The following EMC2 variants were observed in gnomAD, a reference collection of about 807,000 sequenced individuals.
The protein encoded by EMC2 is TPR repeat protein 35.
EMC2 carries 37 observed loss-of-function variants against 51.6 expected under a neutral mutation model. The ratio of observed to expected loss-of-function variants is 0.72; its 90% CI spans 0.55 to 0.94. The LOEUF (loss-of-function observed/expected upper bound fraction) is 0.94. Among genes scored for constraint, EMC2 ranks in the 40% least tolerant of loss-of-function variants. The probability of loss-of-function intolerance (pLI) is 0.00; values close to 1 mark genes in which losing one functional copy is unlikely to be tolerated. For missense variants in EMC2, 359 were observed against 350.9 expected (o/e 1.02, Z -0.18); for synonymous variants, 131 against 112.4 (o/e 1.17, Z -1.04).
At chr8:108,466,476 A>G (rs576862620) in intron 5 of EMC2, among the ~76,000 whole-genome samples, 65 of 114,428 alleles carry the variant, frequency 5.7e-4, no homozygotes, top group African/African-American at 2.3e-3. Flanking sequence ...TTTTTGAGAC[A>G]GGATCTCGCT....
chr8:108,445,235 C>A (rs948571825), intron 1 of EMC2, among the ~76,000 whole-genome samples: 1 of 152,144 alleles, frequency 6.6e-6, no homozygotes, highest in Non-Finnish European at 1.5e-5. Flanking sequence ...TTTTAAAGTG[C>A]TTTGTAAACT....
Position 108,453,123 on chromosome 8 carries a change from G to T in EMC2, c.281G>T (p.Gly94Val). ...AGTCACAGAGTCAAGCGATTAACAG[G>T]CATGAGATTTGAAGCCATGGAAAGG... ...PGSHRVKRLT[G>V]MRFEAMERYD... Residue 94 changes from glycine to valine, a missense_variant, in exon 4 of 11, where the codon GGC (glycine) becomes GTC (valine). Gly to Val is a moderately radical substitution (Grantham distance 109, BLOSUM62 -3). Transcript: ENST00000220853. The T allele has an allele frequency of 1.2e-6, 2 of 1,607,430 alleles. No homozygotes were observed. The highest frequency in any genetic ancestry group is 1.1e-5 in the South Asian group (1 of 90,200).
At position 108,470,254 on chromosome 8, in the gene EMC2, A is replaced by C. The variant is rs573230545; in HGVS notation, c.509+133A>C. On this transcript the variant is annotated intron_variant, in intron 7 of 10. Coordinates refer to ENST00000220853, the MANE Select transcript of EMC2 (RefSeq NM_014673.5). ...TTTGAAATGAGAAACAGAACAAATC[A>C]ACAATTAAATGAAAAAGAACAAATC... 9.7e-6 allele frequency: 6 copies of C among 617,844 alleles called. No homozygotes were observed. The East Asian group carries it at 1.7e-4, about 17-fold the overall frequency. 38.3% of individuals were successfully genotyped at this position (617,844 alleles called of 1,614,324 possible). A position where few individuals can be genotyped will look rare whatever the true frequency, so the allele number is the denominator to read the frequency against.
intron 7 of EMC2, among the ~76,000 whole-genome samples, chr8:108,471,798 A>G (rs1407583426): frequency 6.6e-6 from 1 of 151,884 alleles, no homozygotes; most frequent in African/African-American, 2.4e-5. Flanking sequence ...AAATTCTTTG[A>G]AGTAAAATTG....
intron 5 of EMC2, among the ~76,000 whole-genome samples, chr8:108,462,213 T>TTGTGTGCATGTGTGTGTGTGTG (rs1554617985): frequency 1.6e-5 from 2 of 122,576 alleles, no homozygotes; most frequent in African/African-American, 5.1e-5. Context: ...TGTGTGTGTT[T>TTGTGTGCATGTGTGTGTGTGTG]TGTGTGCGTG....
chr8:108,449,318 A>T (rs1245237589), intron 1 of EMC2, among the ~76,000 whole-genome samples: 5 of 150,196 alleles, frequency 3.3e-5, no homozygotes, highest in African/African-American at 1.2e-4. Flanking sequence ...TTGTCACTCA[A>T]GCTGGAGTGC....
At chr8:108,476,008 T>A in intron 8 of EMC2, 45 bp downstream of exon 8, 1 of 1,032,262 alleles carries the variant, frequency 9.7e-7, no homozygotes, top group Non-Finnish European at 1.5e-6. Flanking sequence ...TTTTGGTTAC[T>A]ATTCGGTGTT....
chr8:108,473,567 T>G (rs1271861516), intron 7 of EMC2, among the ~76,000 whole-genome samples: 1 of 152,106 alleles, frequency 6.6e-6, no homozygotes, highest in Non-Finnish European at 1.5e-5. Flanking sequence ...CTTCATTTGT[T>G]ATTGAAACTA....
chr8:108,462,952 C>T (rs898682497), intron 5 of EMC2, among the ~76,000 whole-genome samples: 2 of 152,068 alleles, frequency 1.3e-5, no homozygotes, highest in South Asian at 4.1e-4. Context: ...TCTCCTTTTA[C>T]GCTTTTTTCA....
At chr8:108,482,343 T>C (rs1479284971) in intron 10 of EMC2, among the ~76,000 whole-genome samples, 4 of 152,208 alleles carry the variant, frequency 2.6e-5, no homozygotes, top group African/African-American at 7.2e-5. Context: ...TTTTTAGTTA[T>C]ATGTATAAGC....
Position 108,486,757 on chromosome 8 carries a change from C to T in EMC2, c.*159C>T. The T allele has an allele frequency of 1.5e-6, 1 of 656,036 alleles. No individual in the cohort carries two copies. Among genetic ancestry groups the T allele is most frequent in the Non-Finnish European group, 2.3e-6 (1 of 431,346 alleles). 40.6% of individuals were successfully genotyped at this position (656,036 alleles called of 1,614,324 possible). A position where few individuals can be genotyped will look rare whatever the true frequency, so the allele number is the denominator to read the frequency against. On this transcript the variant is annotated 3_prime_UTR_variant, in exon 11 of 11. Coordinates refer to ENST00000220853, the MANE Select transcript of EMC2 (RefSeq NM_014673.5). ...TGTGTTTATATAAACCTAAAAATGCCTTTTACTGCTAAGTGGGGAGATGGG... is the reference window on the plus strand; with the variant it reads ...TGTGTTTATATAAACCTAAAAATGCTTTTTACTGCTAAGTGGGGAGATGGG...
At chr8:108,469,247 A>C (rs1461010271) in intron 5 of EMC2, among the ~76,000 whole-genome samples, 2 of 152,220 alleles carry the variant, frequency 1.3e-5, no homozygotes, top group Non-Finnish European at 2.9e-5. Flanking sequence ...ATGCACAATA[A>C]ATGGCATTGA....
chr8:108,486,895 C>T lies in EMC2; in HGVS notation c.*297C>T. ...ATGTAGTATAACCTTGTTAAATAAA[C>T]CATGATGATTTATTAAACTTGCATA... is the stretch of plus-strand genomic sequence containing the variant. On this transcript the variant is annotated 3_prime_UTR_variant, in exon 11 of 11. Coordinates refer to ENST00000220853, the MANE Select transcript of EMC2 (RefSeq NM_014673.5). The T allele has an allele frequency of 4.8e-6, 1 of 209,028 alleles. No individual in the cohort carries two copies. Among genetic ancestry groups the T allele is most frequent in the East Asian group, 1.0e-4 (1 of 9,654 alleles). 12.9% of individuals were successfully genotyped at this position (209,028 alleles called of 1,614,324 possible). A position where few individuals can be genotyped will look rare whatever the true frequency, so the allele number is the denominator to read the frequency against.
intron 10 of EMC2, among the ~76,000 whole-genome samples, chr8:108,480,113 T>G (rs1811020226): frequency 6.6e-6 from 1 of 152,168 alleles, no homozygotes; most frequent in South Asian, 2.1e-4. Flanking sequence ...TTTAGCCCTT[T>G]TATTTGAGAA....
intron 10 of EMC2, among the ~76,000 whole-genome samples, chr8:108,483,326 GC>G (rs959438410): frequency 2.6e-5 from 4 of 151,914 alleles, no homozygotes; most frequent in African/African-American, 7.3e-5. Flanking sequence ...CCCCTTACCA[GC>G]CCCCCACTCA....
At chr8:108,455,013 T>A (rs1466915984) in intron 4 of EMC2, among the ~76,000 whole-genome samples, 2 of 152,064 alleles carry the variant, frequency 1.3e-5, no homozygotes, top group Admixed American at 1.3e-4. Context: ...TCTTTGTTTT[T>A]GATTTTCTGT....
intron 4 of EMC2, among the ~76,000 whole-genome samples, chr8:108,453,634 A>G (rs1819083889): frequency 6.6e-6 from 1 of 151,996 alleles, no homozygotes; most frequent in Non-Finnish European, 1.5e-5. Context: ...TGTTTTCTAG[A>G]CAATAGGAAC....
intron 1 of EMC2, 103 bp from the exon 2 acceptor site, chr8:108,449,720 A>G: frequency 1.7e-6 from 1 of 573,096 alleles, no homozygotes; most frequent in Non-Finnish European, 3.2e-6. Context: ...TATTTTCCTT[A>G]CCTAAAAAGC....
intron 1 of EMC2, among the ~76,000 whole-genome samples, chr8:108,444,717 AT>A (rs894238718): frequency 1.1e-4 from 16 of 152,186 alleles, no homozygotes; most frequent in Non-Finnish European, 2.2e-4. Flanking sequence ...GAATTAAATG[AT>A]TTATTGACTT....
Sources: allele counts gnomAD v4.1 joint callset (sites outside exome capture counted in the v4.1 genomes callset), GRCh38; gene constraint gnomAD v4.1.1; transcripts MANE v1.5; gene names NCBI Gene and HGNC (gene_info 2026-07-23, HGNC 2026-07-21).